ABCC4: variants seen among roughly 807,000 people sequenced by gnomAD.
ABCC4 encodes ATP-binding cassette sub-family C member 4.
In ABCC4, 102 loss-of-function variants were observed where a neutral mutation model predicts 168.5. The observed-to-expected ratio is 0.61, with a 90% CI of 0.52 to 0.71. The LOEUF is 0.71. ABCC4 is among the 30% of genes least tolerant of loss of function. The probability of loss-of-function intolerance (pLI) is 0.00; values close to 1 mark genes in which losing one functional copy is unlikely to be tolerated. For missense variants in ABCC4, 1,402 were observed against 1,605.8 expected (o/e 0.87, Z 2.17); for synonymous variants, 617 against 590.7 (o/e 1.04, Z -0.65).
chr13:95,281,181 A>G (rs1365092981), intron 1 of ABCC4, among the ~76,000 whole-genome samples: 1 of 151,472 alleles, frequency 6.6e-6, no homozygotes, highest in Non-Finnish European at 1.5e-5. Flanking sequence ...GTGGTGGTGC[A>G]AGCCTGTAAT....
rs1457034526 is a variant in ABCC4, at chr13:95,154,429, T to C, written c.2455+6760A>G. On this transcript the variant is annotated intron_variant, in intron 19 of 30. Transcript: ENST00000645237. The stretch of plus-strand genomic sequence containing the variant: ...GTTATTCTCAATTTCTTACAGCTCA[T>C]CTGCTCTCAAGGAAGAAAAATCATA... Among the ~76,000 whole-genome samples the C allele has an allele frequency of 2.6e-5, 4 of 152,338 alleles. No individual in the cohort carries two copies. In the East Asian group the frequency reaches 7.7e-4, roughly 29 times the overall value.
chr13:95,145,965 A>C (rs1283400704), intron 19 of ABCC4, among the ~76,000 whole-genome samples: 3 of 152,182 alleles, frequency 2.0e-5, no homozygotes, highest in African/African-American at 7.2e-5. Context: ...TAATCCCAGC[A>C]CTTTGGGAGG....
intron 4 of ABCC4, among the ~76,000 whole-genome samples, chr13:95,233,475 A>C (rs998024170): frequency 6.6e-6 from 1 of 152,098 alleles, no homozygotes; most frequent in African/African-American, 2.4e-5. Flanking sequence ...AAAGATGAGA[A>C]CAAAGACACT....
At chr13:95,137,247 A>G (rs2036171262) in intron 19 of ABCC4, among the ~76,000 whole-genome samples, 1 of 152,194 alleles carries the variant, frequency 6.6e-6, no homozygotes, top group African/African-American at 2.4e-5. Context: ...CTCAAGTAAG[A>G]GCTCTCACCA....
intron 11 of ABCC4, among the ~76,000 whole-genome samples, chr13:95,180,521 C>T (rs1466916472): frequency 6.6e-6 from 1 of 151,848 alleles, no homozygotes; most frequent in African/African-American, 2.4e-5. Flanking sequence ...CATTGCACTC[C>T]AGCCTGGGCA....
At chr13:95,157,863 A>T (rs949308488) in intron 19 of ABCC4, among the ~76,000 whole-genome samples, 1 of 151,986 alleles carries the variant, frequency 6.6e-6, no homozygotes. Context: ...CGAGGTCAGG[A>T]GATCGAGACC....
At chr13:95,277,068 C>T (rs2040990353) in intron 1 of ABCC4, among the ~76,000 whole-genome samples, 3 of 152,220 alleles carry the variant, frequency 2.0e-5, no homozygotes, top group Non-Finnish European at 4.4e-5. Context: ...CAACCCACAA[C>T]TCACTTTTTT....
intron 19 of ABCC4, among the ~76,000 whole-genome samples, chr13:95,141,347 CT>C (rs1306060743): frequency 2.0e-5 from 3 of 152,290 alleles, no homozygotes; most frequent in Admixed American, 1.3e-4. Flanking sequence ...CTTTGTTTCT[CT>C]TTTTGTCTAG....
At chr13:95,093,755 C>T (rs2034507904) in intron 20 of ABCC4, among the ~76,000 whole-genome samples, 2 of 151,806 alleles carry the variant, frequency 1.3e-5, no homozygotes, top group East Asian at 1.9e-4. Flanking sequence ...GTCAAACTGT[C>T]GTTTACCTTG....
chr13:95,025,279 ACACC>A (rs1566351268), intron 30 of ABCC4, among the ~76,000 whole-genome samples: 3 of 25,264 alleles, frequency 1.2e-4, no homozygotes, highest in Admixed American at 5.5e-4. Context: ...ACCCCCACAC[ACACC>A]CCCACACACA....
chr13:95,095,831 G>A (rs1256009485), intron 20 of ABCC4: 2 of 263,488 alleles, frequency 7.6e-6, no homozygotes, highest in Non-Finnish European at 1.4e-5. Flanking sequence ...ATAAGCATTA[G>A]TACAGAAGGA....
chr13:95,234,716 G>A lies in ABCC4; in HGVS notation c.425C>T (p.Thr142Ile), dbSNP rs1271294714. The A allele has an allele frequency of 3.1e-6, 5 of 1,614,106 alleles. No homozygotes were observed. The highest frequency in any genetic ancestry group is 4.2e-6 in the Non-Finnish European group (5 of 1,179,998). The change falls in exon 4 of 31, where the codon ACT (threonine) becomes ATT (isoleucine). Residue 142 changes from threonine to isoleucine, a missense_variant. Thr to Ile is a moderately conservative substitution (Grantham distance 89). Around this residue, in one of 3 missense-constraint regions of ABCC4, gnomAD observed 317 missense variants for 345.5 expected, o/e 0.92. Transcript: ENST00000645237. Reference protein sequence around the residue: ...NTAYAYATVLTFCTLILAILH... With the variant: ...NTAYAYATVLIFCTLILAILH... ...TATAGCCAAAATGAGCGTGCAAAAA[G>A]TCAGCACCGTGGCATAGGCGTACGC...
chr13:95,068,318 C>G (rs1415929797), intron 25 of ABCC4, among the ~76,000 whole-genome samples: 6 of 152,160 alleles, frequency 3.9e-5, no homozygotes, highest in African/African-American at 1.4e-4. Flanking sequence ...GTGAGTGAAC[C>G]AGGACACAAA....
intron 30 of ABCC4, among the ~76,000 whole-genome samples, chr13:95,029,255 AAG>A (rs1234337009): frequency 2.8e-3 from 15 of 5,330 alleles, no homozygotes; most frequent in African/African-American, 5.2e-3. Context: ...GAGAGAGAGA[AAG>A]AGAGAGAGAG....
At chr13:95,150,756 TG>T (rs35292849) in intron 19 of ABCC4, among the ~76,000 whole-genome samples, 3 of 152,204 alleles carry the variant, frequency 2.0e-5, no homozygotes, top group Non-Finnish European at 4.4e-5. Context: ...AGGGCAACAC[TG>T]GAAGTCCCTC....
At chr13:95,265,563 G>A (rs1270588342) in intron 1 of ABCC4, among the ~76,000 whole-genome samples, 1 of 152,186 alleles carries the variant, frequency 6.6e-6, no homozygotes, top group East Asian at 1.9e-4. Context: ...TTGAGTCCAG[G>A]AATTTGGGCA....
intron 19 of ABCC4, among the ~76,000 whole-genome samples, chr13:95,136,584 C>T (rs561961081): frequency 4.6e-5 from 7 of 152,182 alleles, no homozygotes; most frequent in Non-Finnish European, 7.3e-5. Flanking sequence ...CTTAAAGTTA[C>T]GGATGAATTC....
chr13:95,236,610 AC>A (rs900072502), intron 3 of ABCC4, among the ~76,000 whole-genome samples: 111 of 152,252 alleles, frequency 7.3e-4, no homozygotes, highest in African/African-American at 2.6e-3. Flanking sequence ...GCGCACACAC[AC>A]ACACACACAC....
chr13:95,085,714 A>G (rs2139338697), intron 20 of ABCC4, among the ~76,000 whole-genome samples: 1 of 152,322 alleles, frequency 6.6e-6, no homozygotes, highest in East Asian at 1.9e-4. Flanking sequence ...AATTTTCTGT[A>G]CCTAGCTGAC....
Sources: gnomAD v4.1 joint callset for allele counts (sites outside exome capture counted in the v4.1 genomes callset) on GRCh38, gnomAD v4.1.1 for gene constraint, gnomAD v4.1.1 regional missense constraint, MANE v1.5 for transcripts, NCBI Gene and HGNC (gene_info 2026-07-23, HGNC 2026-07-21) for gene names.